Variants in EPHB1 observed in about 807,000 individuals in gnomAD.
EPHB1 encodes the protein EPH receptor B1, also known as ephrin type-B receptor 1.
Under a neutral mutation model 94.4 loss-of-function variants are expected in EPHB1, and 30 were observed. That is an observed-to-expected ratio of 0.32 (90% confidence interval 0.24 to 0.43). The LOEUF (loss-of-function observed/expected upper bound fraction) is 0.43. Ranked by LOEUF, EPHB1 falls within the 20% of genes least tolerant of loss-of-function variation. EPHB1 has a pLI of 1.00. For missense variants in EPHB1, 1,055 were observed against 1,308.3 expected (o/e 0.81, Z 2.99); for synonymous variants, 522 against 489.1 (o/e 1.07, Z -0.89).
At chr3:134,882,825 T>C (rs1318078781) in intron 1 of EPHB1, among the ~76,000 whole-genome samples, 1 of 149,468 alleles carries the variant, frequency 6.7e-6, no homozygotes, top group African/African-American at 2.5e-5. Context: ...TTTCTTTCTT[T>C]TCTTTCTTTC....
At chr3:134,874,293 A>G (rs1483884788) in intron 1 of EPHB1, among the ~76,000 whole-genome samples, 4 of 152,070 alleles carry the variant, frequency 2.6e-5, no homozygotes, top group African/African-American at 4.8e-5. Flanking sequence ...GCATGTTCTC[A>G]CTCATAAGTG....
intron 3 of EPHB1, among the ~76,000 whole-genome samples, chr3:135,001,794 C>T (rs187585): frequency 0.15 from 23,280 of 152,146 alleles, 2,591 homozygotes; most frequent in African/African-American, 0.31. Context: ...CATACCAAGA[C>T]TCATAAACCT....
rs755255984 is a variant in EPHB1, at chr3:135,026,605, T to C, written c.805+74553T>C. 6.5e-3 allele frequency among the ~76,000 whole-genome samples: 915 copies of C among 141,488 alleles called. 6 individuals are homozygous for C. Among genetic ancestry groups the C allele is most frequent in the Non-Finnish European group, 9.1e-3 (596 of 65,272 alleles). The allele number at this position is 141,488 out of a possible 152,430, so 92.8% of individuals were successfully genotyped here. ...TTTTGGTACCAGTACCATGCTGTTT[T>C]GGTTACTGTAGCCTTGTAGTATAGT... is the stretch of plus-strand genomic sequence containing the variant. On this transcript the variant is annotated intron_variant, in intron 3 of 15. Transcript: ENST00000398015.
intron 1 of EPHB1, among the ~76,000 whole-genome samples, chr3:134,911,867 G>GC (rs1379023844): frequency 6.6e-6 from 1 of 152,100 alleles, no homozygotes; most frequent in African/African-American, 2.4e-5. Context: ...ACGTCCCCAA[G>GC]CCCCCCACAG....
chr3:134,929,756 C>T (rs61413999), intron 2 of EPHB1, among the ~76,000 whole-genome samples: 11,899 of 152,176 alleles, frequency 0.078, 511 homozygotes, highest in African/African-American at 0.1. Context: ...AGAGGTCTTC[C>T]GGGTGAAGAG....
rs1171028779 is a variant in EPHB1, at chr3:135,192,626, G to A, written c.1933G>A (p.Glu645Lys). 2 of 1,614,046 alleles carry A rather than the reference G, an allele frequency of 1.2e-6. No individual in the cohort carries two copies. The highest frequency in any genetic ancestry group is 1.7e-6 in the Non-Finnish European group (2 of 1,179,962). Residue 645 changes from glutamate (E) to lysine (K), a missense_variant, in exon 11 of 16, where the codon GAA becomes AAA. Transcript: ENST00000398015. ...GCGTTTGAAACTGCCAGGCAAGAGG[G>A]AAATCTACGTGGCCATCAAGACCCT... is the stretch of plus-strand genomic sequence containing the variant. Reference protein sequence around the residue: ...KGRLKLPGKREIYVAIKTLKA... With the variant: ...KGRLKLPGKRKIYVAIKTLKA...
At position 135,216,526 on chromosome 3, in the gene EPHB1, C is replaced by T. The variant is rs113580116; in HGVS notation, c.2346+14837C>T. 2.6e-5 allele frequency among the ~76,000 whole-genome samples: 4 copies of T among 151,876 alleles called. 1 individual carries two copies. Among genetic ancestry groups the T allele is most frequent in the African/African-American group, 9.7e-5 (4 of 41,406 alleles). ...TCTCTTGAGGTCAGGAGTTTGAGACCAGCCTGGCCAACATGATGAAACCTC... is the reference window on the plus strand; with the variant it reads ...TCTCTTGAGGTCAGGAGTTTGAGACTAGCCTGGCCAACATGATGAAACCTC... On this transcript the variant is annotated intron_variant, in intron 12 of 15. Transcript: ENST00000398015.
At chr3:135,104,823 C>T (rs1194997831) in intron 3 of EPHB1, among the ~76,000 whole-genome samples, 1 of 152,208 alleles carries the variant, frequency 6.6e-6, no homozygotes, top group African/African-American at 2.4e-5. Context: ...CCACCCAGCA[C>T]ATGTCTGGAG....
At chr3:134,926,476 C>T (rs903522368) in intron 2 of EPHB1, among the ~76,000 whole-genome samples, 1 of 152,152 alleles carries the variant, frequency 6.6e-6, no homozygotes, top group Non-Finnish European at 1.5e-5. Context: ...AAGGTGTGAG[C>T]AAGCTGGGTT....
intron 1 of EPHB1, among the ~76,000 whole-genome samples, chr3:134,857,136 G>A (rs9814170): frequency 0.57 from 86,050 of 152,092 alleles, 26,477 homozygotes; most frequent in East Asian, 0.8. Flanking sequence ...CCAGCCTTGG[G>A]GGGCAGGGAG....
chr3:135,114,537 T>TAAAAAAAAAAAAAA (rs56100882), intron 4 of EPHB1, among the ~76,000 whole-genome samples: 1 of 37,218 alleles, frequency 2.7e-5, no homozygotes, highest in African/African-American at 1.1e-4. Context: ...CTGTCTCTAC[T>TAAAAAAAAAAAAAA]AAAAAAAAAA....
intron 4 of EPHB1, among the ~76,000 whole-genome samples, chr3:135,129,255 G>A (rs1277922068): frequency 1.3e-5 from 2 of 152,180 alleles, no homozygotes; most frequent in Admixed American, 6.5e-5. Flanking sequence ...GCAGCTGGGA[G>A]TAAATGAACA....
intron 10 of EPHB1, among the ~76,000 whole-genome samples, chr3:135,181,167 C>G (rs940634960): frequency 6.6e-6 from 1 of 152,180 alleles, no homozygotes; most frequent in Non-Finnish European, 1.5e-5. Flanking sequence ...TCCCATTAGG[C>G]CGCCATCTTC....
intron 3 of EPHB1, among the ~76,000 whole-genome samples, chr3:135,025,011 A>G (rs562122094): frequency 6.6e-6 from 1 of 151,880 alleles, no homozygotes; most frequent in African/African-American, 2.4e-5. Flanking sequence ...TACAAAATGT[A>G]TATTTGTTCA....
At chr3:135,072,239 G>A (rs1937744163) in intron 3 of EPHB1, among the ~76,000 whole-genome samples, 1 of 152,070 alleles carries the variant, frequency 6.6e-6, no homozygotes, top group South Asian at 2.1e-4. Flanking sequence ...AAAATTAGCT[G>A]AGTGTGGTGG....
chr3:134,860,150 G>GACACACACACACACACACAGAC (rs2037218097), intron 1 of EPHB1, among the ~76,000 whole-genome samples: 8 of 142,814 alleles, frequency 5.6e-5, no homozygotes, highest in African/African-American at 2.6e-5. Context: ...AGAAGGAAGG[G>GACACACACACACACACACAGAC]ACACACACAC....
At chr3:135,146,960 T>C (rs1393146450) in intron 5 of EPHB1, among the ~76,000 whole-genome samples, 1 of 152,156 alleles carries the variant, frequency 6.6e-6, no homozygotes, top group Admixed American at 6.6e-5. Context: ...CTTCAAAACA[T>C]TTGGGAAATT....
chr3:134,924,785 G>C (rs2107701628), intron 1 of EPHB1, among the ~76,000 whole-genome samples: 1 of 152,316 alleles, frequency 6.6e-6, no homozygotes. Context: ...TGCTGAGTGA[G>C]AGAAGCAAGA....
At chr3:135,012,776 G>A (rs1346294075) in intron 3 of EPHB1, among the ~76,000 whole-genome samples, 2 of 152,186 alleles carry the variant, frequency 1.3e-5, no homozygotes, top group Non-Finnish European at 2.9e-5. Context: ...AACTCCCTCA[G>A]AGGGAGAATA....
Sources: allele counts gnomAD v4.1 joint callset (sites outside exome capture counted in the v4.1 genomes callset), GRCh38; gene constraint gnomAD v4.1.1; transcripts MANE v1.5; gene names NCBI Gene and HGNC (gene_info 2026-07-23, HGNC 2026-07-21).